HCFC2: variants seen among roughly 807,000 people sequenced by gnomAD.
HCFC2 encodes host cell factor 2.
Under a neutral mutation model 89.2 loss-of-function variants are expected in HCFC2, and 18 were observed. The observed-to-expected ratio is 0.20, with a 90% confidence interval of 0.14 to 0.30. The LOEUF is 0.30. Ranked by LOEUF, HCFC2 falls within the 10% of genes least tolerant of loss-of-function variation. HCFC2 has a pLI of 1.00. For synonymous variants in HCFC2, 308 were observed against 335.7 expected, an observed-to-expected ratio of 0.92 and a Z score of 0.90; for missense variants, 578 against 956.1, an observed-to-expected ratio of 0.60 and a Z score of 5.21.
intron 3 of HCFC2, among the ~76,000 whole-genome samples, chr12:104,077,567 T>TTTA (rs1555285422): frequency 1.0e-4 from 15 of 149,110 alleles, no homozygotes; most frequent in South Asian, 2.1e-4. Context: ...TTTTTTTTTT[T>TTTA]AAACTATCTT....
intron 1 of HCFC2, chr12:104,065,355 A>G (rs1383489506): frequency 6.6e-6 from 1 of 152,188 alleles, no homozygotes; most frequent in East Asian, 1.9e-4. Flanking sequence ...TAACTTGAGC[A>G]CCACTGCAGA....
intron 3 of HCFC2, among the ~76,000 whole-genome samples, chr12:104,075,645 A>G (rs1048359526): frequency 6.6e-6 from 1 of 151,942 alleles, no homozygotes; most frequent in Admixed American, 6.6e-5. Context: ...TTTTTTGTTG[A>G]GACAGGATCT....
Position 104,064,611 on chromosome 12 carries a change from G to T in HCFC2, c.51G>T (p.Gly17=), listed in dbSNP as rs1030116266. 6.3e-7 allele frequency: 1 copy of T among 1,577,124 alleles called. No individual in the cohort carries two copies. The highest frequency in any genetic ancestry group is 1.1e-5 in the South Asian group (1 of 87,070). The change falls in exon 1 of 15, where the codon GGG becomes GGT. Residue 17 remains glycine (G), a synonymous_variant. Transcript: ENST00000229330. This position sits in a 1 kb window ranked among gnomAD's most constrained non-coding sequence, Gnocchi z 7.3. Reference sequence around the variant, plus strand: ...GGAGGCGAGTTTCTTCCTTCACGGGGCCGGTCCCCCGCGCCCGGCACGGAC... The same window carrying T: ...GGAGGCGAGTTTCTTCCTTCACGGGTCCGGTCCCCCGCGCCCGGCACGGAC... ...LNWRRVSSFT[G]PVPRARHGHR... is the part of the protein sequence containing the mutation.
chr12:104,086,758 G>A, intron 7 of HCFC2, 89 bp from the exon 8 acceptor site: 1 of 1,166,734 alleles, frequency 8.6e-7, no homozygotes, highest in Non-Finnish European at 1.2e-6. Context: ...CATTGCTGAT[G>A]TTTTCAAAGC....
intron 5 of HCFC2, among the ~76,000 whole-genome samples, chr12:104,081,877 C>T (rs929167174): frequency 6.8e-6 from 1 of 146,890 alleles, no homozygotes; most frequent in African/African-American, 2.5e-5. Flanking sequence ...TGTACTCTAG[C>T]CTGGGCAACA....
At chr12:104,070,472 T>G (rs1340995559) in intron 3 of HCFC2, among the ~76,000 whole-genome samples, 3 of 152,220 alleles carry the variant, frequency 2.0e-5, no homozygotes, top group Admixed American at 6.5e-5. Flanking sequence ...TCAGGTCTTA[T>G]CATGTGTGTC....
At chr12:104,082,294 T>C (rs1883708670) in intron 5 of HCFC2, among the ~76,000 whole-genome samples, 1 of 152,238 alleles carries the variant, frequency 6.6e-6, no homozygotes, top group Non-Finnish European at 1.5e-5. Flanking sequence ...ATAATTGTGA[T>C]TCTGTACTGC....
rs1028985267 is a variant in HCFC2 at position 104,106,415 on chromosome 12, T to C, written c.*3142T>C. 7.2e-5 allele frequency: 11 copies of C among 152,170 alleles called. No homozygotes were observed. The highest frequency in any genetic ancestry group is 1.6e-4 in the Non-Finnish European group (11 of 67,984). 9.4% of individuals were successfully genotyped at this position (152,170 alleles called of 1,614,324 possible). Reference sequence around the variant, plus strand: ...GCAAAATAGACTTGGTCTTTGACCCTTTAAGGTGTAACTGACTGACTGTTG... The same window carrying C: ...GCAAAATAGACTTGGTCTTTGACCCCTTAAGGTGTAACTGACTGACTGTTG... On this transcript the variant is annotated 3_prime_UTR_variant, in exon 15 of 15. Transcript: ENST00000229330.
At position 104,095,627 on chromosome 12, in the gene HCFC2, CT is replaced by C. The variant is rs1884156135; in HGVS notation, c.1666+66del. ...TATGTATATAAATTCATCAAACTTA[CT>C]TGTCTTAGATGGGAGTTGCATTTCA... On this transcript the variant is annotated intron_variant, in intron 11 of 14. Transcript: ENST00000229330. The surrounding 1 kb of genome is among the most constrained non-coding windows in gnomAD (Gnocchi z 4.2). 2.3e-6 allele frequency: 3 copies of C among 1,323,694 alleles called. No individual in the cohort carries two copies. The South Asian group carries it at 4.0e-5, about 18-fold the overall frequency. The allele number at this position is 1,323,694 out of a possible 1,614,324, so 82.0% of individuals were successfully genotyped here.
chr12:104,070,176 C>A (rs961108014), intron 3 of HCFC2, among the ~76,000 whole-genome samples: 4 of 152,090 alleles, frequency 2.6e-5, no homozygotes, highest in African/African-American at 9.7e-5. Context: ...GCGCCCACCA[C>A]CACGCCCTGC....
intron 8 of HCFC2, 66 bp downstream of exon 8, chr12:104,087,080 C>T (rs997699807): frequency 1.2e-5 from 18 of 1,503,238 alleles, no homozygotes; most frequent in African/African-American, 2.8e-5. Flanking sequence ...ACTGGCCGGG[C>T]GCGGTGGCTC....
chr12:104,064,575 C>A lies in HCFC2; in HGVS notation c.15C>A (p.Ser5Arg), dbSNP rs370124268. 7.1e-6 allele frequency: 11 copies of A among 1,546,626 alleles called. No homozygotes were observed. Among genetic ancestry groups the A allele is most frequent in the Non-Finnish European group, 9.6e-6 (11 of 1,148,962 alleles). Residue 5 changes from serine (S) to arginine (R), a missense_variant, in exon 1 of 15, where the codon AGC (serine) becomes AGA (arginine). Ser to Arg is a moderately radical substitution (Grantham distance 110). This residue lies in a region of HCFC2 where 22 missense variants were observed against 18.7 expected (regional missense o/e 1.18). Transcript: ENST00000229330. The surrounding 1 kb of genome is among the most constrained non-coding windows in gnomAD (Gnocchi z 7.3). MAAPSLLNWRRVSSF... is the reference protein window; with the variant it reads MAAPRLLNWRRVSSF... ...GGGTTGGGAAGATGGCGGCTCCCAGCCTCCTCAACTGGAGGCGAGTTTCTT... is the reference window on the plus strand; with the variant it reads ...GGGTTGGGAAGATGGCGGCTCCCAGACTCCTCAACTGGAGGCGAGTTTCTT...
In HCFC2 at chr12:104,066,085, G is replaced by A. The variant is rs1317507526; in HGVS notation, c.164-82G>A. 6 of 1,335,898 alleles carry A rather than the reference G, an allele frequency of 4.5e-6. No homozygotes were observed. The African/African-American group carries it at 5.9e-5, about 13-fold the overall frequency. 82.8% of individuals were successfully genotyped at this position (1,335,898 alleles called of 1,614,324 possible). On this transcript the variant is annotated intron_variant, in intron 1 of 14. Transcript: ENST00000229330. ...GAATCATCCCCAGTTGAGACCCACT[G>A]ATATTGATGATATATATTTGCTGAT...
In HCFC2 at chr12:104,093,430, A is replaced by C; in HGVS notation, c.1329A>C (p.Thr443=). The part of the protein sequence containing the change: ...INSTKTEQPA[T]KETSMKNKPD... ...GCACAAAAACTGAACAGCCAGCCACAAAAGAAACTTCAATGAAAAACAAAC... is the reference window on the plus strand; with the variant it reads ...GCACAAAAACTGAACAGCCAGCCACCAAAGAAACTTCAATGAAAAACAAAC... Residue 443 remains threonine, a synonymous_variant, in exon 10 of 15, where the codon ACA becomes ACC. Coordinates refer to ENST00000229330, the MANE Select transcript of HCFC2 (RefSeq NM_013320.3). The C allele has an allele frequency of 6.2e-7, 1 of 1,613,486 alleles. No homozygotes were observed. Among genetic ancestry groups the C allele is most frequent in the Non-Finnish European group, 8.5e-7 (1 of 1,179,678 alleles).
chr12:104,095,141 G>A lies in HCFC2; in HGVS notation c.1463-219G>A, dbSNP rs1372063347. Among the ~76,000 whole-genome samples, 1 of 152,136 alleles carries A rather than the reference G, an allele frequency of 6.6e-6. No individual in the cohort carries two copies. The highest frequency in any genetic ancestry group is 1.5e-5 in the Non-Finnish European group (1 of 68,000). On this transcript the variant is annotated intron_variant, in intron 10 of 14. Transcript: ENST00000229330. The surrounding 1 kb of genome is among the most constrained non-coding windows in gnomAD (Gnocchi z 4.2). ...AGAACAATGGTTCGGTGTTTAGAAT[G>A]AACGAGGAAGGTAAAAAGTTGGATA... is the stretch of plus-strand genomic sequence containing the variant.
At position 104,064,809 on chromosome 12, in the gene HCFC2, C is replaced by A; in HGVS notation, c.163+86C>A. 5 of 1,267,136 alleles carry A rather than the reference C, an allele frequency of 3.9e-6. No homozygotes were observed. The highest frequency in any genetic ancestry group is 5.2e-6 in the Non-Finnish European group (5 of 954,100). The allele number at this position is 1,267,136 out of a possible 1,614,324, so 78.5% of individuals were successfully genotyped here. On this transcript the variant is annotated intron_variant, in intron 1 of 14. Transcript: ENST00000229330. This position sits in a 1 kb window ranked among gnomAD's most constrained non-coding sequence, Gnocchi z 7.3. ...GAGGCGGCGGCCGCGGCCCTGACAG[C>A]TGTCACCGCCCGGTCACTGCTTCCT...
chr12:104,105,936 T>G lies in HCFC2; in HGVS notation c.*2663T>G, dbSNP rs769692211. On this transcript the variant is annotated 3_prime_UTR_variant, in exon 15 of 15. Transcript: ENST00000229330. ...ACAAGACTTTGTGCCAGTCCTCTTCTGTGTTCTGCAACTCTGGCTCTCATA... is the reference window on the plus strand; with the variant it reads ...ACAAGACTTTGTGCCAGTCCTCTTCGGTGTTCTGCAACTCTGGCTCTCATA... The G allele has an allele frequency of 3.9e-5, 6 of 152,150 alleles. No individual in the cohort carries two copies. The highest frequency in any genetic ancestry group is 7.2e-5 in the African/African-American group (3 of 41,472). 9.4% of individuals were successfully genotyped at this position (152,150 alleles called of 1,614,324 possible). A position where few individuals can be genotyped will look rare whatever the true frequency, so the allele number is the denominator to read the frequency against.
At chr12:104,087,279 AGGTAGT>A (rs1883881127) in intron 8 of HCFC2, among the ~76,000 whole-genome samples, 1 of 150,952 alleles carries the variant, frequency 6.6e-6, no homozygotes, top group African/African-American at 2.4e-5. Context: ...ACTTGAACCC[AGGTAGT>A]GGAGGTTGCA....
chr12:104,089,744 G>T (rs966410195), intron 9 of HCFC2, among the ~76,000 whole-genome samples: 5 of 152,182 alleles, frequency 3.3e-5, no homozygotes, highest in Non-Finnish European at 7.3e-5. Flanking sequence ...AGTTGCAGGT[G>T]AGCCATGTAG....
Sources: allele counts gnomAD v4.1 joint callset (sites outside exome capture counted in the v4.1 genomes callset), GRCh38; gene constraint gnomAD v4.1.1; regional missense constraint gnomAD v4.1.1; non-coding constraint Gnocchi (gnomAD v3.1); transcripts MANE v1.5; gene names NCBI Gene and HGNC (gene_info 2026-07-23, HGNC 2026-07-21).